The following MDGA2 variants were observed in gnomAD, a reference collection of about 807,000 sequenced individuals.
MDGA2 encodes MAM domain containing glycosylphosphatidylinositol anchor 2.
In MDGA2, 40 loss-of-function variants were observed where a neutral mutation model predicts 117.8. The ratio of observed to expected loss-of-function variants is 0.34; its 90% CI spans 0.26 to 0.44. The LOEUF (loss-of-function observed/expected upper bound fraction) is 0.44, where lower values mean the gene tolerates loss of function less well. Ranked by LOEUF, MDGA2 falls within the 20% of genes least tolerant of loss-of-function variation. The pLI is 1.00. For synonymous variants in MDGA2, 452 were observed against 439.0 expected, an observed-to-expected ratio of 1.03 and a Z score of -0.37; for missense variants, 1,123 against 1,250.6, an observed-to-expected ratio of 0.90 and a Z score of 1.54.
intron 1 of MDGA2, among the ~76,000 whole-genome samples, chr14:47,570,430 A>C (rs183984363): frequency 6.6e-6 from 1 of 152,186 alleles, no homozygotes; most frequent in South Asian, 2.1e-4. Context: ...AACCTCTTTA[A>C]GTCAGTATAC....
intron 2 of MDGA2, among the ~76,000 whole-genome samples, chr14:47,222,364 T>C (rs533294769): frequency 4.3e-4 from 65 of 152,126 alleles, no homozygotes; most frequent in African/African-American, 1.5e-3. Context: ...AGACATCACT[T>C]TTTGTAATAT....
At chr14:47,633,147 GC>G (rs776470815) in intron 1 of MDGA2, among the ~76,000 whole-genome samples, 23 of 152,040 alleles carry the variant, frequency 1.5e-4, no homozygotes, top group Non-Finnish European at 2.9e-4. Flanking sequence ...CGCTCATCAT[GC>G]CCCCTACTGC....
chr14:46,880,324 C>A (rs1049219315), intron 11 of MDGA2, among the ~76,000 whole-genome samples: 2 of 151,404 alleles, frequency 1.3e-5, no homozygotes, highest in Non-Finnish European at 2.9e-5. Flanking sequence ...GACTCCATCT[C>A]AAAAATATAT....
chr14:46,860,021 C>T (rs1881446020), intron 14 of MDGA2, among the ~76,000 whole-genome samples: 1 of 151,990 alleles, frequency 6.6e-6, no homozygotes, highest in Non-Finnish European at 1.5e-5. Flanking sequence ...TATAGAGTAG[C>T]TTATCCTTCA....
chr14:46,859,269 T>C (rs544766017), intron 14 of MDGA2, among the ~76,000 whole-genome samples: 7 of 152,294 alleles, frequency 4.6e-5, no homozygotes, highest in African/African-American at 1.7e-4. Flanking sequence ...TGCTCTCCTC[T>C]CAGGTCTCCT....
rs978774187 is a variant in MDGA2 at position 47,020,442 on chromosome 14, A to T, written c.1819+14569T>A. Among the ~76,000 whole-genome samples, 16 of 152,350 alleles carry T rather than the reference A, an allele frequency of 1.1e-4. No individual in the cohort carries two copies. The East Asian group carries it at 3.1e-3, about 29-fold the overall frequency. ...AAAAAAGATCGGGAATGTCTTATGT[A>T]GAATTCTAGAGAAAACCAATCTGAT... On this transcript the variant is annotated intron_variant, in intron 8 of 16. Coordinates refer to ENST00000399232, the MANE Select transcript of MDGA2 (RefSeq NM_001113498.3).
At chr14:46,964,918 A>ATTTTTTTTTTTTT (rs1566549134) in intron 8 of MDGA2, among the ~76,000 whole-genome samples, 3 of 95,410 alleles carry the variant, frequency 3.1e-5, no homozygotes, top group Admixed American at 1.0e-4. Context: ...ATATATATTT[A>ATTTTTTTTTTTTT]CTTTTTTTTT....
Position 46,866,422 on chromosome 14 carries a change from C to T in MDGA2, c.2752+7011G>A, listed in dbSNP as rs573820862. On this transcript the variant is annotated intron_variant, in intron 14 of 16. Transcript: ENST00000399232. ...TGGATTAAAGACTTAAACGTTAGAC[C>T]TAAAACCATAAAAACCCTAGAAGAA... is the stretch of plus-strand genomic sequence containing the variant. Among the ~76,000 whole-genome samples the T allele has an allele frequency of 2.0e-3, 301 of 152,172 alleles. 2 individuals are homozygous for T. Among genetic ancestry groups the T allele is most frequent in the African/African-American group, 6.9e-3 (288 of 41,530 alleles).
At chr14:47,595,512 T>G (rs1896521822) in intron 1 of MDGA2, among the ~76,000 whole-genome samples, 2 of 135,766 alleles carry the variant, frequency 1.5e-5, no homozygotes, top group African/African-American at 2.7e-5. Context: ...CCAGCCTAGG[T>G]GACGAGTGAA....
At chr14:47,666,787 A>G (rs1019637911) in intron 1 of MDGA2, among the ~76,000 whole-genome samples, 1 of 152,136 alleles carries the variant, frequency 6.6e-6, no homozygotes, top group Non-Finnish European at 1.5e-5. Flanking sequence ...CTTTGGGTAC[A>G]CATTGCCTTT....
At chr14:47,673,631 G>GGTGTGTGTGTGTGT (rs1566569365) in intron 1 of MDGA2, among the ~76,000 whole-genome samples, 1 of 44,788 alleles carries the variant, frequency 2.2e-5, no homozygotes, top group African/African-American at 7.5e-5. Context: ...CTATGACCTG[G>GGTGTGTGTGTGTGT]ATGTGTGTGT....
chr14:47,133,122 C>G (rs1177055860), intron 4 of MDGA2, among the ~76,000 whole-genome samples: 1 of 147,022 alleles, frequency 6.8e-6, no homozygotes, highest in Non-Finnish European at 1.5e-5. Context: ...AAAAAAAAAA[C>G]AAACAAACAA....
intron 2 of MDGA2, among the ~76,000 whole-genome samples, chr14:47,264,450 G>C (rs994181309): frequency 6.6e-6 from 1 of 152,138 alleles, no homozygotes; most frequent in African/African-American, 2.4e-5. Flanking sequence ...TACTCAAAAA[G>C]GATACCTTTA....
chr14:47,580,840 A>G (rs1245574571), intron 1 of MDGA2, among the ~76,000 whole-genome samples: 1 of 151,982 alleles, frequency 6.6e-6, no homozygotes, highest in Non-Finnish European at 1.5e-5. Context: ...GTTTCCTCTT[A>G]GCCAACTTGG....
chr14:47,209,142 T>G (rs527456854), intron 3 of MDGA2, among the ~76,000 whole-genome samples: 2 of 152,256 alleles, frequency 1.3e-5, no homozygotes, highest in South Asian at 4.1e-4. Flanking sequence ...TGTAAACAAA[T>G]TTTTTAGATT....
At chr14:47,540,540 G>GTGTGTGTGTATA in intron 1 of MDGA2, among the ~76,000 whole-genome samples, 4 of 79,218 alleles carry the variant, frequency 5.0e-5, no homozygotes, top group African/African-American at 1.6e-4. Context: ...GTGTGTGTGT[G>GTGTGTGTGTATA]TATATATATA....
At chr14:47,302,916 G>C (rs1889329642) in intron 1 of MDGA2, among the ~76,000 whole-genome samples, 1 of 152,248 alleles carries the variant, frequency 6.6e-6, no homozygotes, top group Admixed American at 6.5e-5. Context: ...GTTATGTCCA[G>C]CTCTTTCTAG....
At chr14:47,613,656 A>T (rs1896895868) in intron 1 of MDGA2, among the ~76,000 whole-genome samples, 1 of 152,136 alleles carries the variant, frequency 6.6e-6, no homozygotes, top group Non-Finnish European at 1.5e-5. Flanking sequence ...TTATCTGCAC[A>T]TACATTTATA....
At chr14:47,321,949 C>A (rs1889992323) in intron 1 of MDGA2, among the ~76,000 whole-genome samples, 1 of 152,216 alleles carries the variant, frequency 6.6e-6, no homozygotes, top group East Asian at 1.9e-4. Flanking sequence ...TACTATTTTA[C>A]AACTGTATAA....
Sources: allele counts gnomAD v4.1 joint callset (sites outside exome capture counted in the v4.1 genomes callset), GRCh38; gene constraint gnomAD v4.1.1; transcripts MANE v1.5; gene names NCBI Gene and HGNC (gene_info 2026-07-23, HGNC 2026-07-21).